The following SASH1 variants were observed in gnomAD, a reference collection of about 807,000 sequenced individuals.
SASH1 encodes SAM and SH3 domain-containing protein 1.
A neutral mutation model predicts 125.2 loss-of-function variants in SASH1; 44 were observed. That is an observed-to-expected ratio of 0.35 (90% CI 0.28 to 0.45). The LOEUF is 0.45. Among genes scored for constraint, SASH1 ranks in the 20% least tolerant of loss-of-function variants. The probability of loss-of-function intolerance (pLI) is 1.00; values close to 1 mark genes in which losing one functional copy is unlikely to be tolerated. For synonymous variants in SASH1, 639 were observed against 649.1 expected, an observed-to-expected ratio of 0.98 and a Z score of 0.24; for missense variants, 1,426 against 1,614.5, an observed-to-expected ratio of 0.88 and a Z score of 2.00.
intron 1 of SASH1, among the ~76,000 whole-genome samples, chr6:148,349,885 G>A (rs1481596737): frequency 6.7e-6 from 1 of 148,714 alleles, no homozygotes; most frequent in East Asian, 2.0e-4. Flanking sequence ...TCGCTCTGTC[G>A]CCCAGGCTGG....
At chr6:148,482,540 G>A (rs557023395) in intron 7 of SASH1, among the ~76,000 whole-genome samples, 2 of 149,244 alleles carry the variant, frequency 1.3e-5, no homozygotes, top group Non-Finnish European at 3.0e-5. Flanking sequence ...TTTTTTTTTC[G>A]AGGTAGGATC....
chr6:148,328,809 C>G (rs1280196120), intron 1 of SASH1, among the ~76,000 whole-genome samples: 1 of 152,164 alleles, frequency 6.6e-6, no homozygotes, highest in Non-Finnish European at 1.5e-5. Context: ...TACATTATTA[C>G]AGAAGAAAAT....
At chr6:148,211,357 G>C in the SASH1 span, among the ~76,000 whole-genome samples, 1 of 152,174 alleles carries the variant, frequency 6.6e-6, no homozygotes, top group Non-Finnish European at 1.5e-5. Context: ...GATCACCTGA[G>C]GTCAGGAGTT....
intron 4 of SASH1, among the ~76,000 whole-genome samples, chr6:148,465,993 C>A (rs763994455): frequency 6.6e-6 from 1 of 152,072 alleles, no homozygotes; most frequent in Non-Finnish European, 1.5e-5. Context: ...ATCCATGTAC[C>A]TTACTTGTGC....
At chr6:148,534,127 T>G (rs1422577009) in intron 15 of SASH1, 147 bp downstream of exon 15, 1 of 656,090 alleles carries the variant, frequency 1.5e-6, no homozygotes, top group Admixed American at 2.8e-5. Context: ...TGAGCATTCA[T>G]TATTCTACAG....
At chr6:148,308,424 TC>T (rs1437812946) in intron 1 of SASH1, among the ~76,000 whole-genome samples, 8 of 150,924 alleles carry the variant, frequency 5.3e-5, no homozygotes, top group African/African-American at 1.9e-4. Context: ...AGATGGAGTT[TC>T]ACTCTGGTTG....
intron 6 of SASH1, 134 bp from the exon 7 acceptor site, chr6:148,473,976 C>A (rs1778228405): frequency 1.7e-6 from 1 of 600,666 alleles, no homozygotes; most frequent in Non-Finnish European, 3.0e-6. Context: ...CCCTTTGCTT[C>A]ATCAGTAACG....
intron 4 of SASH1, among the ~76,000 whole-genome samples, chr6:148,443,263 A>G (rs1410356435): frequency 6.7e-6 from 1 of 149,948 alleles, no homozygotes; most frequent in African/African-American, 2.5e-5. Context: ...TTGATGAAGT[A>G]TTTGTTGTTT....
At chr6:148,334,246 A>C (rs1471601506) in intron 1 of SASH1, among the ~76,000 whole-genome samples, 2 of 143,254 alleles carry the variant, frequency 1.4e-5, no homozygotes, top group Non-Finnish European at 3.1e-5. Context: ...AACACGGTGA[A>C]ACCCTGTCTC....
At chr6:148,279,190 C>T (rs1779269769) in intron 1 of SASH1, among the ~76,000 whole-genome samples, 1 of 151,982 alleles carries the variant, frequency 6.6e-6, no homozygotes, top group Admixed American at 6.6e-5. Context: ...CGGGTTTCAC[C>T]ATGTTGCCCA....
intron 1 of SASH1, among the ~76,000 whole-genome samples, chr6:148,329,235 A>G (rs564298930): frequency 5.9e-5 from 9 of 152,346 alleles, no homozygotes; most frequent in Admixed American, 3.3e-4. Flanking sequence ...AGGCATAGGA[A>G]AAAAATTATG....
intron 8 of SASH1, among the ~76,000 whole-genome samples, chr6:148,511,333 A>G (rs1583278810): frequency 1.9e-5 from 2 of 102,942 alleles, no homozygotes; most frequent in South Asian, 6.8e-4. Context: ...TTACACACAC[A>G]CACACACACA....
At chr6:148,376,565 A>T (rs1188101984) in intron 1 of SASH1, among the ~76,000 whole-genome samples, 1 of 152,184 alleles carries the variant, frequency 6.6e-6, no homozygotes, top group African/African-American at 2.4e-5. Context: ...TTGTTTTCTT[A>T]CAACACCCGA....
intron 2 of SASH1, among the ~76,000 whole-genome samples, chr6:148,398,458 T>G (rs1165604213): frequency 2.0e-5 from 3 of 152,158 alleles, no homozygotes; most frequent in African/African-American, 4.8e-5. Context: ...TTCCTGAATA[T>G]TCAAGAAAAT....
chr6:148,379,346 T>C (rs534152575), intron 1 of SASH1, among the ~76,000 whole-genome samples: 1 of 152,310 alleles, frequency 6.6e-6, no homozygotes, highest in Non-Finnish European at 1.5e-5. Flanking sequence ...TGATATTCCC[T>C]CTGTATGGAA....
intron 1 of SASH1, among the ~76,000 whole-genome samples, chr6:148,357,734 G>A (rs2114691008): frequency 6.6e-6 from 1 of 152,106 alleles, no homozygotes; most frequent in South Asian, 2.1e-4. Flanking sequence ...CTACTTCCAC[G>A]ACATCGGGAA....
chr6:148,457,183 G>T (rs560255369), intron 4 of SASH1, among the ~76,000 whole-genome samples: 1 of 77,674 alleles, frequency 1.3e-5, no homozygotes, highest in East Asian at 3.8e-4. Flanking sequence ...CCCCTCCCCC[G>T]CCCCTTTTTT....
chr6:148,506,845 A>G (rs1015959304), intron 8 of SASH1, among the ~76,000 whole-genome samples: 1 of 152,202 alleles, frequency 6.6e-6, no homozygotes, highest in African/African-American at 2.4e-5. Context: ...TCTTGGATGA[A>G]GAAAGGTCTT....
At chr6:148,436,961 C>T (rs1562408474) in intron 2 of SASH1, among the ~76,000 whole-genome samples, 2 of 152,186 alleles carry the variant, frequency 1.3e-5, no homozygotes, top group Admixed American at 1.3e-4. Flanking sequence ...TACATATTTA[C>T]ACATATACTC....
Sources: gnomAD v4.1 joint callset for allele counts (sites outside exome capture counted in the v4.1 genomes callset) on GRCh38, gnomAD v4.1.1 for gene constraint, MANE v1.5 for transcripts, NCBI Gene and HGNC (gene_info 2026-07-23, HGNC 2026-07-21) for gene names.